The following BOLA3 variants were observed in gnomAD, a reference collection of about 807,000 sequenced individuals.
The protein encoded by BOLA3 is bolA-like protein 3.
BOLA3 carries 8 observed loss-of-function variants against 14.5 expected under a neutral mutation model. That is an observed-to-expected ratio of 0.55 (90% CI 0.32 to 0.99). The LOEUF (loss-of-function observed/expected upper bound fraction) is 0.99, where lower values mean the gene tolerates loss of function less well. BOLA3 is among the 50% of genes least tolerant of loss of function. BOLA3 has a pLI of 0.04. For missense variants in BOLA3, 115 were observed against 138.2 expected, an observed-to-expected ratio of 0.83 and a Z score of 0.84; for synonymous variants, 42 against 45.7, an observed-to-expected ratio of 0.92 and a Z score of 0.33.
intron 3 of BOLA3, among the ~76,000 whole-genome samples, chr2:74,138,764 A>G (rs3108163): frequency 0.61 from 92,919 of 152,070 alleles, 29,373 homozygotes; most frequent in African/African-American, 0.77. Context: ...GGCCGGAGGC[A>G]GGGAGACGGC....
chr2:74,146,298 A>AGCCC (rs961334551), intron 1 of BOLA3: 1 of 152,204 alleles, frequency 6.6e-6, no homozygotes, highest in African/African-American at 2.4e-5. Context: ...CGGCCAGGGG[A>AGCCC]GCCCATGTTT....
chr2:74,137,739 G>A (rs1356001273), intron 3 of BOLA3, among the ~76,000 whole-genome samples: 1 of 152,118 alleles, frequency 6.6e-6, no homozygotes, highest in Non-Finnish European at 1.5e-5. Context: ...CTGTTGTGTT[G>A]GGGGACAATG....
chr2:74,146,601 TGACTA>T (rs1484073271), intron 1 of BOLA3: 1 of 152,334 alleles, frequency 6.6e-6, no homozygotes, highest in Non-Finnish European at 1.5e-5. Flanking sequence ...CACTGGTCCC[TGACTA>T]GACGTGGATG....
Position 74,135,493 on chromosome 2 carries a change from G to C in BOLA3, c.*100C>G. 1 of 1,535,796 alleles carries C rather than the reference G, an allele frequency of 6.5e-7. No individual in the cohort carries two copies. Among genetic ancestry groups the C allele is most frequent in the Non-Finnish European group, 9.0e-7 (1 of 1,110,382 alleles). On this transcript the variant is annotated 3_prime_UTR_variant, in exon 4 of 4. Coordinates refer to ENST00000327428, the MANE Select transcript of BOLA3 (RefSeq NM_212552.3). ...AATTATAATATGGAAATGTATATGAGCAAAATATATAAATTTTTTGGTGAC... is the reference window on the plus strand; with the variant it reads ...AATTATAATATGGAAATGTATATGACCAAAATATATAAATTTTTTGGTGAC...
intron 1 of BOLA3, chr2:74,146,641 T>C (rs1349540803): frequency 6.6e-6 from 1 of 152,450 alleles, no homozygotes; most frequent in South Asian, 2.1e-4. Context: ...ACTAGGGCCG[T>C]TCATGGGTGC....
intron 3 of BOLA3, among the ~76,000 whole-genome samples, chr2:74,140,533 A>G (rs1047571860): frequency 3.3e-5 from 5 of 152,056 alleles, no homozygotes; most frequent in African/African-American, 9.7e-5. Context: ...TTCGAGGGGG[A>G]ATGAAAGACA....
intron 1 of BOLA3, 84 bp from the exon 2 acceptor site, chr2:74,145,387 T>C: frequency 1.2e-6 from 1 of 857,720 alleles, no homozygotes; most frequent in Non-Finnish European, 2.0e-6. Context: ...CCGCCTGCCA[T>C]TCCCCCTGCA....
chr2:74,145,089 T>A, intron 2 of BOLA3, 100 bp downstream of exon 2: 1 of 759,888 alleles, frequency 1.3e-6, no homozygotes, highest in East Asian at 2.5e-5. Flanking sequence ...GAGAAGCCAC[T>A]CACCAGCAGC....
At chr2:74,135,819 T>C (rs145006296) in intron 3 of BOLA3, among the ~76,000 whole-genome samples, 161 bp from the exon 4 acceptor site, 104 of 152,304 alleles carry the variant, frequency 6.8e-4, no homozygotes, top group African/African-American at 2.3e-3. Context: ...TTTAAATCAA[T>C]AATATCTAAC....
In BOLA3 at chr2:74,140,648, C is replaced by T. The variant is rs550236008; in HGVS notation, c.258+1624G>A. 2.0e-5 allele frequency among the ~76,000 whole-genome samples: 3 copies of T among 152,364 alleles called. No homozygotes were observed. The East Asian group carries it at 5.8e-4, about 29-fold the overall frequency. On this transcript the variant is annotated intron_variant, in intron 3 of 3. Coordinates refer to ENST00000327428, the MANE Select transcript of BOLA3 (RefSeq NM_212552.3). Reference sequence around the variant, plus strand: ...GACCGTGAGGTGACACTCCCCCAAACTGTGGGAATCACAGCCCTTCCCCAC... The same window carrying T: ...GACCGTGAGGTGACACTCCCCCAAATTGTGGGAATCACAGCCCTTCCCCAC...
At chr2:74,145,056 C>A in intron 2 of BOLA3, 133 bp downstream of exon 2, 1 of 700,374 alleles carries the variant, frequency 1.4e-6, no homozygotes, top group South Asian at 1.5e-5. Flanking sequence ...CCGAGCTCCA[C>A]CTGTCCAGCA....
chr2:74,144,502 G>A (rs1054867257), intron 2 of BOLA3, among the ~76,000 whole-genome samples: 1 of 152,158 alleles, frequency 6.6e-6, no homozygotes, highest in Non-Finnish European at 1.5e-5. Context: ...CCACGCCACG[G>A]GCCGTTCTGT....
chr2:74,142,143 G>T, intron 3 of BOLA3, 129 bp downstream of exon 3: 1 of 725,074 alleles, frequency 1.4e-6, no homozygotes, highest in Admixed American at 2.0e-5. Flanking sequence ...CAGGTCTTGA[G>T]TCCTGTTTCG....
At chr2:74,145,024 C>T (rs1692518273) in intron 2 of BOLA3, among the ~76,000 whole-genome samples, 165 bp downstream of exon 2, 1 of 152,132 alleles carries the variant, frequency 6.6e-6, no homozygotes, top group Non-Finnish European at 1.5e-5. Flanking sequence ...ATCCTGACTG[C>T]CATCCCATGA....
intron 3 of BOLA3, among the ~76,000 whole-genome samples, chr2:74,141,364 CA>C (rs1478822609): frequency 8.9e-6 from 1 of 112,428 alleles, no homozygotes; most frequent in South Asian, 3.2e-4. Context: ...CACCGACAGC[CA>C]AAAAAGGGGG....
Position 74,141,657 on chromosome 2 carries a change from A to C in BOLA3, c.258+615T>G, listed in dbSNP as rs201274210. 5.9e-5 allele frequency among the ~76,000 whole-genome samples: 9 copies of C among 152,346 alleles called. No homozygotes were observed. The East Asian group carries it at 1.5e-3, about 26-fold the overall frequency. ...CATTACCAGTGCTGTGCTTTACAAA[A>C]ATAACACTAGTTCACAATGGCAAGA... On this transcript the variant is annotated intron_variant, in intron 3 of 3. Coordinates refer to ENST00000327428, the MANE Select transcript of BOLA3 (RefSeq NM_212552.3).
chr2:74,145,589 A>C (rs533714784), intron 1 of BOLA3: 23 of 465,702 alleles, frequency 4.9e-5, no homozygotes, highest in Admixed American at 1.0e-4. Flanking sequence ...GTTTGCTTCC[A>C]TATAATGTTG....
At position 74,135,530 on chromosome 2, in the gene BOLA3, G is replaced by T. The variant is rs1236459650; in HGVS notation, c.*63C>A. The T allele has an allele frequency of 3.7e-6, 6 of 1,607,804 alleles. No individual in the cohort carries two copies. Among genetic ancestry groups the T allele is most frequent in the Admixed American group, 1.7e-5 (1 of 60,014 alleles). On this transcript the variant is annotated 3_prime_UTR_variant, in exon 4 of 4. Coordinates refer to ENST00000327428, the MANE Select transcript of BOLA3 (RefSeq NM_212552.3). ...AATTTTTTGGTGACTGCTTAGGGAA[G>T]AATGATGTCAGTGAAGTTCATCCAA...
At chr2:74,147,351 C>G in intron 1 of BOLA3, 1 of 214,962 alleles carries the variant, frequency 4.7e-6, no homozygotes, top group Non-Finnish European at 9.3e-6. Flanking sequence ...TAGGAGAGCG[C>G]GTGGGAAGTG....
Sources: gnomAD v4.1 joint callset for allele counts (sites outside exome capture counted in the v4.1 genomes callset) on GRCh38, gnomAD v4.1.1 for gene constraint, MANE v1.5 for transcripts, NCBI Gene and HGNC (gene_info 2026-07-23, HGNC 2026-07-21) for gene names.